Variants in XIRP2 observed in about 807,000 individuals in gnomAD.
The protein encoded by XIRP2 is xin actin binding repeat containing 2.
Under a neutral mutation model 277.0 loss-of-function variants are expected in XIRP2, and 236 were observed. The ratio of observed to expected loss-of-function variants is 0.85; its 90% CI spans 0.77 to 0.95. The LOEUF (loss-of-function observed/expected upper bound fraction) is 0.95. Among genes scored for constraint, XIRP2 ranks in the 40% least tolerant of loss-of-function variants. The pLI, the probability that XIRP2 is intolerant of heterozygous loss-of-function variation, is 0.00. For missense variants in XIRP2, 4,640 were observed against 4,157.5 expected (o/e 1.12, Z -3.19); for synonymous variants, 1,490 against 1,416.5 (o/e 1.05, Z -1.17).
chr2:167,035,192 G>A lies in XIRP2; in HGVS notation c.409-100717G>A, dbSNP rs527648061. Among the ~76,000 whole-genome samples the A allele has an allele frequency of 1.1e-4, 17 of 152,276 alleles. No individual in the cohort carries two copies. In the South Asian group the frequency reaches 3.5e-3, roughly 32 times the overall value. On this transcript the variant is annotated intron_variant, in intron 2 of 10. Coordinates refer to ENST00000409195, the MANE Select transcript of XIRP2 (RefSeq NM_152381.6). ...AATACAGTAAATTGGTACCAGGAGTGGGGTGCTTGCTGTAGATGCCCAAAA... is the reference window on the plus strand; with the variant it reads ...AATACAGTAAATTGGTACCAGGAGTAGGGTGCTTGCTGTAGATGCCCAAAA...
In XIRP2 at chr2:166,903,611, G is replaced by T; in HGVS notation, c.129G>T (p.Leu43Phe). 6.2e-7 allele frequency: 1 copy of T among 1,613,594 alleles called. No individual in the cohort carries two copies. The highest frequency in any genetic ancestry group is 8.5e-7 in the Non-Finnish European group (1 of 1,179,752). The change falls in exon 2 of 11, where the codon TTG (leucine) becomes TTT (phenylalanine). Residue 43 changes from leucine (L) to phenylalanine (F), a missense_variant. Coordinates refer to ENST00000409195, the MANE Select transcript of XIRP2 (RefSeq NM_152381.6). ...CTIFQPQESKLLAPEGEVVSA... is the reference protein window; with the variant it reads ...CTIFQPQESKFLAPEGEVVSA... ...TTTTCCAGCCTCAGGAAAGCAAATT[G>T]CTTGCGCCTGAAGGAGAGGTAGTAT...
chr2:166,914,578 G>C (rs547433219), intron 2 of XIRP2, among the ~76,000 whole-genome samples: 30 of 152,252 alleles, frequency 2.0e-4, no homozygotes, highest in African/African-American at 6.5e-4. Flanking sequence ...CTGACCTCGA[G>C]TGATCCACCT....
rs373307838 is a variant in XIRP2, at chr2:166,913,485, G to A, written c.408+9595G>A. Among the ~76,000 whole-genome samples the A allele has an allele frequency of 2.4e-3, 360 of 152,286 alleles. 3 individuals are homozygous for A. The highest frequency in any genetic ancestry group is 8.3e-3 in the African/African-American group (344 of 41,564). On this transcript the variant is annotated intron_variant, in intron 2 of 10. Coordinates refer to ENST00000409195, the MANE Select transcript of XIRP2 (RefSeq NM_152381.6). ...ATCACCCATCTTCTGTGTCGCTCAC[G>A]CTGGGAGCTGTAGACTGGAGCTGTT...
At chr2:166,999,546 A>G (rs1200687438) in intron 2 of XIRP2, among the ~76,000 whole-genome samples, 1 of 152,086 alleles carries the variant, frequency 6.6e-6, no homozygotes, top group Non-Finnish European at 1.5e-5. Context: ...TTGACTGATA[A>G]ATTTAATGTT....
chr2:167,077,982 AT>A (rs1160884115), intron 2 of XIRP2, among the ~76,000 whole-genome samples: 3 of 152,138 alleles, frequency 2.0e-5, no homozygotes, highest in Non-Finnish European at 2.9e-5. Context: ...TTGCGTATGA[AT>A]TTTAGAATAG....
rs77770730 is a variant in XIRP2 at position 167,007,685 on chromosome 2, T to C, written c.408+103795T>C. On this transcript the variant is annotated intron_variant, in intron 2 of 10. Coordinates refer to ENST00000409195, the MANE Select transcript of XIRP2 (RefSeq NM_152381.6). ...ATATCTTACCCACATGTACACTCTC[T>C]CTCTCTCTCTCTCTCTCTCACACAC... 6.6e-3 allele frequency among the ~76,000 whole-genome samples: 704 copies of C among 107,428 alleles called. 3 individuals carry two copies. Among genetic ancestry groups the C allele is most frequent in the African/African-American group, 0.036 (656 of 18,402 alleles). The allele number at this position is 107,428 out of a possible 152,430, so 70.5% of individuals were successfully genotyped here. A position where few individuals can be genotyped will look rare whatever the true frequency, so the allele number is the denominator to read the frequency against.
chr2:167,201,381 A>G (rs962646122), intron 3 of XIRP2, among the ~76,000 whole-genome samples: 3 of 151,088 alleles, frequency 2.0e-5, no homozygotes, highest in African/African-American at 7.4e-5. Flanking sequence ...GAAGGGCAGG[A>G]ACGGTACCAT....
chr2:167,208,995 T>C (rs1693941800), intron 3 of XIRP2, among the ~76,000 whole-genome samples: 1 of 152,208 alleles, frequency 6.6e-6, no homozygotes, highest in Non-Finnish European at 1.5e-5. Context: ...TGTGAAAGTC[T>C]TTCAGTGATT....
chr2:167,086,461 C>T (rs1489351794), intron 2 of XIRP2, among the ~76,000 whole-genome samples: 1 of 151,818 alleles, frequency 6.6e-6, no homozygotes, highest in Non-Finnish European at 1.5e-5. Context: ...GTGGCGTTCT[C>T]TGTATTTCCT....
chr2:167,249,345 C>T lies in XIRP2; in HGVS notation c.7953C>T (p.Asp2651=). ...RLHHVLAASE[D]KDKMKKEVLQ... is the part of the protein sequence containing the mutation. ...ACCATGTTTTAGCAGCTTCAGAAGA[C>T]AAAGATAAGATGAAAAAGGAAGTTT... is the stretch of plus-strand genomic sequence containing the variant. The change falls in exon 9 of 11, where the codon GAC becomes GAT. Residue 2651 remains aspartate (D), a synonymous_variant. Transcript: ENST00000409195. 1 of 1,613,638 alleles carries T rather than the reference C, an allele frequency of 6.2e-7. No individual in the cohort carries two copies.
At chr2:167,161,581 G>C (rs1692365148) in intron 3 of XIRP2, among the ~76,000 whole-genome samples, 2 of 152,174 alleles carry the variant, frequency 1.3e-5, no homozygotes, top group Non-Finnish European at 2.9e-5. Context: ...GCCACAGCTG[G>C]AGTAGCTGGG....
At chr2:167,012,629 T>C (rs1409736581) in intron 2 of XIRP2, among the ~76,000 whole-genome samples, 1 of 151,602 alleles carries the variant, frequency 6.6e-6, no homozygotes, top group Admixed American at 6.6e-5. Context: ...CTTTATGTAT[T>C]CTCGTCTCTA....
intron 2 of XIRP2, among the ~76,000 whole-genome samples, chr2:166,921,090 G>A (rs1685024925): frequency 6.6e-6 from 1 of 151,850 alleles, no homozygotes; most frequent in Middle Eastern, 3.2e-3. Context: ...ATCTCTGAAT[G>A]TCTTTCTTTG....
chr2:167,259,262 T>G lies in XIRP2; in HGVS notation c.*1445T>G, dbSNP rs776798151. On this transcript the variant is annotated 3_prime_UTR_variant, in exon 11 of 11. Transcript: ENST00000409195. ...AGGTTTTGATGCTCTGAGCCATGAATGTACAGCTAAGCCTTTGTTTCCCAG... is the reference window on the plus strand; with the variant it reads ...AGGTTTTGATGCTCTGAGCCATGAAGGTACAGCTAAGCCTTTGTTTCCCAG... The G allele has an allele frequency of 1.2e-6, 2 of 1,613,376 alleles. No homozygotes were observed. The highest frequency in any genetic ancestry group is 1.1e-5 in the South Asian group (1 of 91,072).
chr2:167,088,478 C>G (rs796345497), intron 2 of XIRP2, among the ~76,000 whole-genome samples: 9 of 152,244 alleles, frequency 5.9e-5, no homozygotes, highest in African/African-American at 2.2e-4. Context: ...TTAGTACAAC[C>G]TATTCTCCAC....
rs1559042710 is a variant in XIRP2, at chr2:167,248,336, C to G, written c.6944C>G (p.Pro2315Arg). 1 of 1,613,764 alleles carries G rather than the reference C, an allele frequency of 6.2e-7. No homozygotes were observed. The highest frequency in any genetic ancestry group is 2.2e-5 in the East Asian group (1 of 44,842). Residue 2315 changes from proline (P) to arginine (R), a missense_variant, in exon 9 of 11, where the codon CCT (proline) becomes CGT (arginine). Physicochemically the swap from Pro to Arg is moderately radical, Grantham distance 103 (BLOSUM62 -2). Transcript: ENST00000409195. Reference sequence around the variant, plus strand: ...GAATTTCCTCTTCCTCCTCCACCTCCTTTGATGATGTTTCCTGAAAAAAAT... The same window carrying G: ...GAATTTCCTCTTCCTCCTCCACCTCGTTTGATGATGTTTCCTGAAAAAAAT... ...EIEFPLPPPPPLMMFPEKNGF... is the reference protein window; with the variant it reads ...EIEFPLPPPPRLMMFPEKNGF...
chr2:167,069,444 A>G (rs7599374), intron 2 of XIRP2, among the ~76,000 whole-genome samples: 34,748 of 152,068 alleles, frequency 0.23, 7,211 homozygotes, highest in African/African-American at 0.55. Context: ...TCACAAATAT[A>G]GCATAATCTG....
At chr2:167,075,981 T>G (rs996952658) in intron 2 of XIRP2, among the ~76,000 whole-genome samples, 2 of 152,100 alleles carry the variant, frequency 1.3e-5, no homozygotes, top group African/African-American at 2.4e-5. Flanking sequence ...AAGCCAAGAC[T>G]TGTCTTTCAA....
chr2:167,055,967 C>T (rs1467225900), intron 2 of XIRP2, among the ~76,000 whole-genome samples: 1 of 152,060 alleles, frequency 6.6e-6, no homozygotes, highest in Non-Finnish European at 1.5e-5. Context: ...ATGTAATGTA[C>T]CCATCTGCCT....
Sources: gnomAD v4.1 joint callset for allele counts (sites outside exome capture counted in the v4.1 genomes callset) on GRCh38, gnomAD v4.1.1 for gene constraint, MANE v1.5 for transcripts, NCBI Gene and HGNC (gene_info 2026-07-23, HGNC 2026-07-21) for gene names.